The following TPD52L2 variants were observed in gnomAD, a reference collection of about 807,000 sequenced individuals.
TPD52L2 encodes the protein TPD52 like 2.
TPD52L2 carries 19 observed loss-of-function variants against 24.7 expected under a neutral mutation model. That is an observed-to-expected ratio of 0.77 (90% CI 0.54 to 1.13). The LOEUF (loss-of-function observed/expected upper bound fraction) is 1.13. TPD52L2 is among the 50% of genes most tolerant of loss of function. The pLI is 0.00. For missense variants in TPD52L2, 236 were observed against 250.4 expected, an observed-to-expected ratio of 0.94 and a Z score of 0.39; for synonymous variants, 104 against 100.2, an observed-to-expected ratio of 1.04 and a Z score of -0.23.
At chr20:63,874,182 G>A (rs1327002153) in intron 3 of TPD52L2, among the ~76,000 whole-genome samples, 1 of 151,168 alleles carries the variant, frequency 6.6e-6, no homozygotes, top group Non-Finnish European at 1.5e-5. Context: ...CTCCCAAGTA[G>A]CTGGGATTAC....
intron 1 of TPD52L2, 97 bp from the exon 2 acceptor site, chr20:63,869,199 C>A: frequency 7.1e-7 from 1 of 1,412,516 alleles, no homozygotes; most frequent in South Asian, 1.2e-5. Flanking sequence ...GGGTCTCACC[C>A]ACTCCCACCT....
At chr20:63,889,060 T>C (rs948805094) in intron 5 of TPD52L2, 130 bp from the exon 6 acceptor site, 1 of 767,856 alleles carries the variant, frequency 1.3e-6, no homozygotes, top group Admixed American at 2.1e-5. Flanking sequence ...TCTCACAGTT[T>C]TGCCATGAGA....
intron 5 of TPD52L2, chr20:63,888,838 C>T (rs1264703001): frequency 2.7e-5 from 9 of 328,276 alleles, no homozygotes; most frequent in Admixed American, 1.6e-4. Flanking sequence ...AGAGAGGGGC[C>T]GACAGCCCCC....
chr20:63,879,060 G>C (rs554319678), intron 4 of TPD52L2, among the ~76,000 whole-genome samples: 1 of 152,340 alleles, frequency 6.6e-6, no homozygotes, highest in Non-Finnish European at 1.5e-5. Flanking sequence ...CGCCACCTTG[G>C]AGGCCCAGGA....
At position 63,890,002 on chromosome 20, in the gene TPD52L2, C is replaced by T. The variant is rs778716906; in HGVS notation, c.*57C>T. 1.2e-6 allele frequency: 2 copies of T among 1,608,102 alleles called. No homozygotes were observed. The highest frequency in any genetic ancestry group is 4.5e-5 in the East Asian group (2 of 44,726). ...ACGCAACCCAGCCTCAGCATCACAG[C>T]CGCAGCTCTGTTCAGCGGAGCAGCC... is the stretch of plus-strand genomic sequence containing the variant. On this transcript the variant is annotated 3_prime_UTR_variant, in exon 7 of 7. Coordinates refer to ENST00000346249, the MANE Select transcript of TPD52L2 (RefSeq NM_003288.4).
At chr20:63,876,137 G>A (rs144041185) in intron 4 of TPD52L2, among the ~76,000 whole-genome samples, 1 of 152,180 alleles carries the variant, frequency 6.6e-6, no homozygotes, top group Non-Finnish European at 1.5e-5. Context: ...TTATGTAAGA[G>A]GCCTGCACTG....
intron 2 of TPD52L2, among the ~76,000 whole-genome samples, chr20:63,870,119 C>A (rs1568939048): frequency 6.6e-6 from 1 of 152,122 alleles, no homozygotes; most frequent in African/African-American, 2.4e-5. Flanking sequence ...AGGGCGAGAC[C>A]CTGTCTCAAA....
intron 1 of TPD52L2, among the ~76,000 whole-genome samples, chr20:63,866,405 A>T (rs992908682): frequency 1.2e-4 from 18 of 147,086 alleles, no homozygotes; most frequent in Admixed American, 1.4e-4. Flanking sequence ...GCCCGGCTAC[A>T]TATTAAGCTT....
At chr20:63,888,840 A>G (rs1271453934) in intron 5 of TPD52L2, 7 of 333,864 alleles carry the variant, frequency 2.1e-5, no homozygotes, top group Non-Finnish European at 4.0e-5. Flanking sequence ...AGAGGGGCCG[A>G]CAGCCCCCCA....
At chr20:63,881,015 G>A (rs6062565) in intron 4 of TPD52L2, among the ~76,000 whole-genome samples, 5,979 of 151,818 alleles carry the variant, frequency 0.039, 299 homozygotes, top group East Asian at 0.2. Context: ...CCAGCTGCAC[G>A]GAGCCTGGAT....
At position 63,873,593 on chromosome 20, in the gene TPD52L2, A is replaced by G. The variant is rs1004222656; in HGVS notation, c.166-75A>G. The G allele has an allele frequency of 3.9e-6, 6 of 1,533,882 alleles. No homozygotes were observed. In the African/African-American group the frequency reaches 5.6e-5, roughly 14 times the overall value. On this transcript the variant is annotated intron_variant, in intron 2 of 6. Transcript: ENST00000346249. ...TAAGCGGAAAGTTCTTGTGTAACTCATGGCACTGTGCATGAGGATGTTAGT... is the reference window on the plus strand; with the variant it reads ...TAAGCGGAAAGTTCTTGTGTAACTCGTGGCACTGTGCATGAGGATGTTAGT...
intron 3 of TPD52L2, among the ~76,000 whole-genome samples, chr20:63,874,237 T>G: frequency 6.8e-6 from 1 of 146,778 alleles, no homozygotes; most frequent in Admixed American, 6.9e-5. Flanking sequence ...TTTGTGTGTG[T>G]GTGTGTGTGT....
rs772842627 is a variant in TPD52L2 at position 63,889,855 on chromosome 20, G to C, written c.531G>C (p.Lys177Asn). The C allele has an allele frequency of 5.0e-6, 8 of 1,614,092 alleles. No homozygotes were observed. Among genetic ancestry groups the C allele is most frequent in the Non-Finnish European group, 6.8e-6 (8 of 1,179,968 alleles). Residue 177 changes from lysine to asparagine, a missense_variant, in exon 7 of 7, where the codon AAG becomes AAC. Coordinates refer to ENST00000346249, the MANE Select transcript of TPD52L2 (RefSeq NM_003288.4). ...FEDRVGTIKS[K>N]VVGDRENGSD... ...TCATCTTTTCTCTCCTGTAGTCTAA[G>C]GTTGTGGGTGACAGAGAGAACGGCA...
rs183627458 is a variant in TPD52L2, at chr20:63,886,682, A to G, written c.477-2508A>G. ...CTTTTTTTTGTTGGAGTCTCGCTCTATCACCAGGCTGGAGCACAGTGGTGT... is the reference window on the plus strand; with the variant it reads ...CTTTTTTTTGTTGGAGTCTCGCTCTGTCACCAGGCTGGAGCACAGTGGTGT... On this transcript the variant is annotated intron_variant, in intron 5 of 6. Transcript: ENST00000346249. 2.9e-3 allele frequency among the ~76,000 whole-genome samples: 413 copies of G among 140,540 alleles called. 1 individual carries two copies. Among genetic ancestry groups the G allele is most frequent in the African/African-American group, 0.011 (398 of 37,148 alleles). 92.2% of individuals were successfully genotyped at this position (140,540 alleles called of 152,430 possible).
chr20:63,885,898 G>C, intron 5 of TPD52L2: 1 of 1,044,494 alleles, frequency 9.6e-7, no homozygotes. Context: ...CCCCTGCTGG[G>C]CCTGACTGAG....
intron 5 of TPD52L2, chr20:63,887,683 C>T (rs1246016413): frequency 7.1e-7 from 1 of 1,406,306 alleles, no homozygotes; most frequent in Non-Finnish European, 9.9e-7. Flanking sequence ...CCGGTTACAC[C>T]TTGCCCTTCC....
intron 5 of TPD52L2, chr20:63,886,025 A>G (rs777016597): frequency 6.2e-6 from 10 of 1,613,814 alleles, no homozygotes; most frequent in African/African-American, 5.3e-5. Flanking sequence ...GGGCTCATCC[A>G]TTTTCACACT....
intron 2 of TPD52L2, among the ~76,000 whole-genome samples, chr20:63,873,119 G>A (rs2052530596): frequency 6.6e-6 from 1 of 152,030 alleles, no homozygotes; most frequent in African/African-American, 2.4e-5. Context: ...CATGGTGATT[G>A]GTAGCTCTCC....
At chr20:63,876,788 C>T (rs1051775704) in intron 4 of TPD52L2, 7 of 455,784 alleles carry the variant, frequency 1.5e-5, no homozygotes, top group East Asian at 6.9e-5. Context: ...TCAGGAACCC[C>T]GGGCGGTTCT....
Sources: allele counts gnomAD v4.1 joint callset (sites outside exome capture counted in the v4.1 genomes callset), GRCh38; gene constraint gnomAD v4.1.1; transcripts MANE v1.5; gene names NCBI Gene and HGNC (gene_info 2026-07-23, HGNC 2026-07-21).